CLSTN2: variants seen among roughly 807,000 people sequenced by gnomAD.
The protein encoded by CLSTN2 is calsyntenin-2.
In CLSTN2, 48 loss-of-function variants were observed where a neutral mutation model predicts 101.2. The ratio of observed to expected loss-of-function variants is 0.47; its 90% CI spans 0.38 to 0.60. The LOEUF (loss-of-function observed/expected upper bound fraction) is 0.60, where lower values mean the gene tolerates loss of function less well. Ranked by LOEUF, CLSTN2 falls within the 20% of genes least tolerant of loss-of-function variation. The probability of loss-of-function intolerance (pLI) is 0.00; values close to 1 mark genes in which losing one functional copy is unlikely to be tolerated. For missense variants in CLSTN2, 1,160 were observed against 1,238.2 expected, an observed-to-expected ratio of 0.94 and a Z score of 0.95; for synonymous variants, 481 against 463.6, an observed-to-expected ratio of 1.04 and a Z score of -0.48.
intron 1 of CLSTN2, among the ~76,000 whole-genome samples, chr3:140,039,788 T>C (rs535681371): frequency 6.6e-6 from 1 of 152,214 alleles, no homozygotes; most frequent in African/African-American, 2.4e-5. Context: ...TGTGCATGCA[T>C]ATGTGTATAA....
chr3:139,980,875 A>G (rs1232148945), intron 1 of CLSTN2, among the ~76,000 whole-genome samples: 4 of 152,106 alleles, frequency 2.6e-5, no homozygotes, highest in Non-Finnish European at 5.9e-5. Context: ...TGTCATACAT[A>G]TGGAGAGCTA....
At chr3:140,338,147 T>C (rs921930685) in intron 2 of CLSTN2, among the ~76,000 whole-genome samples, 4 of 152,174 alleles carry the variant, frequency 2.6e-5, no homozygotes, top group Non-Finnish European at 4.4e-5. Context: ...TCATTGACCT[T>C]TGGGCCCTGG....
chr3:140,078,868 A>C (rs1576419289), intron 1 of CLSTN2, among the ~76,000 whole-genome samples: 1 of 152,226 alleles, frequency 6.6e-6, no homozygotes, highest in East Asian at 1.9e-4. Flanking sequence ...TCTGCCAGAC[A>C]CAGCAGCCAT....
At chr3:140,023,646 G>A (rs2007362309) in intron 1 of CLSTN2, among the ~76,000 whole-genome samples, 2 of 152,208 alleles carry the variant, frequency 1.3e-5, no homozygotes, top group South Asian at 4.2e-4. Context: ...AGCACACTGG[G>A]GCACCTCTAC....
intron 6 of CLSTN2, among the ~76,000 whole-genome samples, chr3:140,450,813 G>T (rs1036474430): frequency 1.3e-5 from 2 of 152,116 alleles, no homozygotes; most frequent in Non-Finnish European, 2.9e-5. Flanking sequence ...ATTTAGAACT[G>T]AATGTGAAAT....
At position 140,392,832 on chromosome 3, in the gene CLSTN2, T is replaced by A. The variant is rs561407710; in HGVS notation, c.233-10797T>A. On this transcript the variant is annotated intron_variant, in intron 2 of 16. Transcript: ENST00000458420. The stretch of plus-strand genomic sequence containing the variant: ...ATAGTTGAAACTGGGTAATTTTTTT[T>A]AAAAAAAAAGAACTTATTTTTTTTT... Among the ~76,000 whole-genome samples the A allele has an allele frequency of 2.4e-4, 36 of 151,022 alleles. No individual in the cohort carries two copies. In the East Asian group the frequency reaches 2.7e-3, roughly 11 times the overall value.
intron 1 of CLSTN2, among the ~76,000 whole-genome samples, chr3:140,128,822 G>A (rs2009476674): frequency 6.6e-6 from 1 of 152,178 alleles, no homozygotes; most frequent in African/African-American, 2.4e-5. Flanking sequence ...AGAACTGGAT[G>A]AAGAAGGGAA....
intron 8 of CLSTN2, among the ~76,000 whole-genome samples, chr3:140,528,287 C>T (rs1935184084): frequency 6.6e-6 from 1 of 152,114 alleles, no homozygotes; most frequent in Non-Finnish European, 1.5e-5. Context: ...GCCTCCAGAT[C>T]TCCCATTGCC....
At chr3:140,291,016 C>G (rs752799774) in intron 2 of CLSTN2, among the ~76,000 whole-genome samples, 6 of 152,152 alleles carry the variant, frequency 3.9e-5, no homozygotes, top group Non-Finnish European at 4.4e-5. Context: ...CCTGTCTTTT[C>G]TTCACATCAC....
chr3:140,484,874 A>G (rs1576593207), intron 8 of CLSTN2, among the ~76,000 whole-genome samples: 1 of 151,920 alleles, frequency 6.6e-6, no homozygotes, highest in East Asian at 1.9e-4. Flanking sequence ...ATTTTTTTTC[A>G]AGGTTTTTAA....
chr3:140,253,843 T>G (rs2086583743), intron 2 of CLSTN2, among the ~76,000 whole-genome samples: 1 of 152,116 alleles, frequency 6.6e-6, no homozygotes, highest in Admixed American at 6.6e-5. Flanking sequence ...CTAAGACTTG[T>G]GGGATTCCTT....
At chr3:140,248,343 A>G (rs566637087) in intron 2 of CLSTN2, among the ~76,000 whole-genome samples, 1 of 152,340 alleles carries the variant, frequency 6.6e-6, no homozygotes, top group African/African-American at 2.4e-5. Context: ...TCCTGTAGGT[A>G]GTAAATGCCT....
At chr3:140,063,470 T>G (rs2008245159) in intron 1 of CLSTN2, among the ~76,000 whole-genome samples, 1 of 152,184 alleles carries the variant, frequency 6.6e-6, no homozygotes, top group African/African-American at 2.4e-5. Context: ...ACTGAGCACC[T>G]GCCACATGTA....
intron 2 of CLSTN2, among the ~76,000 whole-genome samples, chr3:140,344,970 C>T (rs1703766788): frequency 6.6e-6 from 1 of 152,104 alleles, no homozygotes; most frequent in Admixed American, 6.6e-5. Context: ...GTGGGCAGGC[C>T]ATTTGGAATG....
chr3:140,324,820 G>C (rs1051929635), intron 2 of CLSTN2, among the ~76,000 whole-genome samples: 2 of 152,164 alleles, frequency 1.3e-5, no homozygotes, highest in Non-Finnish European at 2.9e-5. Context: ...ACAAGTGAGA[G>C]ATGAGGGAGA....
At chr3:140,471,068 C>T (rs1933836627) in intron 8 of CLSTN2, among the ~76,000 whole-genome samples, 1 of 152,152 alleles carries the variant, frequency 6.6e-6, no homozygotes, top group Admixed American at 6.5e-5. Context: ...TGTGACAATC[C>T]AGGGCATCTC....
intron 1 of CLSTN2, among the ~76,000 whole-genome samples, chr3:140,026,206 A>G (rs2007416811): frequency 6.6e-6 from 1 of 152,190 alleles, no homozygotes; most frequent in Admixed American, 6.5e-5. Context: ...GGGGACTATT[A>G]AAGTGTTTTC....
chr3:140,446,685 A>G (rs985630907), intron 5 of CLSTN2, among the ~76,000 whole-genome samples: 3 of 152,098 alleles, frequency 2.0e-5, no homozygotes, highest in Non-Finnish European at 4.4e-5. Context: ...CCTGCTCAAG[A>G]ACTTCCTGAC....
At chr3:140,150,466 C>T (rs2009846385) in intron 1 of CLSTN2, among the ~76,000 whole-genome samples, 1 of 152,202 alleles carries the variant, frequency 6.6e-6, no homozygotes, top group Non-Finnish European at 1.5e-5. Flanking sequence ...TATTAGTTGT[C>T]CCAGATACTG....
Sources: allele counts gnomAD v4.1 joint callset (sites outside exome capture counted in the v4.1 genomes callset), GRCh38; gene constraint gnomAD v4.1.1; transcripts MANE v1.5; gene names NCBI Gene and HGNC (gene_info 2026-07-23, HGNC 2026-07-21).